ZNF385D: variants seen among roughly 807,000 people sequenced by gnomAD.
ZNF385D encodes the protein zinc finger protein 385D, also known as zinc finger protein 659.
ZNF385D carries 15 observed loss-of-function variants against 35.8 expected under a neutral mutation model. The observed-to-expected ratio is 0.42, with a 90% CI of 0.28 to 0.64. ZNF385D has a LOEUF of 0.64. Among genes scored for constraint, ZNF385D ranks in the 30% least tolerant of loss-of-function variants. The pLI, the probability that ZNF385D is intolerant of heterozygous loss-of-function variation, is 0.23. For missense variants in ZNF385D, 474 were observed against 494.6 expected, an observed-to-expected ratio of 0.96 and a Z score of 0.39; for synonymous variants, 212 against 186.8, an observed-to-expected ratio of 1.13 and a Z score of -1.10.
At position 21,707,502 on chromosome 3, in the gene ZNF385D, T is replaced by C. The variant is rs185494563; in HGVS notation, c.23-42474A>G. On this transcript the variant is annotated intron_variant, in intron 1 of 7. Coordinates refer to ENST00000281523, the MANE Select transcript of ZNF385D (RefSeq NM_024697.3). ...CATCCTGATATCTCCTTTAATGACA[T>C]TGTGAGTGCTTCTTTGTTAGAATCT... is the stretch of plus-strand genomic sequence containing the variant. Among the ~76,000 whole-genome samples, 656 of 152,306 alleles carry C rather than the reference T, an allele frequency of 4.3e-3. 1 individual carries two copies. The highest frequency in any genetic ancestry group is 7.8e-3 in the Non-Finnish European group (532 of 68,022).
At chr3:21,947,714 TAATC>T (rs1701863085) in intron 3 of ZNF385D, among the ~76,000 whole-genome samples, 1 of 152,178 alleles carries the variant, frequency 6.6e-6, no homozygotes, top group Admixed American at 6.5e-5. Flanking sequence ...CTATATGTAT[TAATC>T]CATCTATCTT....
intron 2 of ZNF385D, among the ~76,000 whole-genome samples, chr3:21,569,601 CATT>C (rs2063263268): frequency 2.0e-5 from 3 of 150,394 alleles, no homozygotes; most frequent in Non-Finnish European, 4.4e-5. Flanking sequence ...TTGATCCTGT[CATT>C]ATGATGTTAG....
At chr3:22,317,052 C>T (rs766999711) in intron 2 of ZNF385D, among the ~76,000 whole-genome samples, 6 of 151,718 alleles carry the variant, frequency 4.0e-5, no homozygotes, top group African/African-American at 9.7e-5. Flanking sequence ...CCGAGGTGGG[C>T]GGATTACCTG....
intron 1 of ZNF385D, among the ~76,000 whole-genome samples, chr3:21,682,518 T>C (rs569631977): frequency 6.6e-6 from 1 of 150,378 alleles, no homozygotes; most frequent in Non-Finnish European, 1.5e-5. Context: ...GAAAGGATAG[T>C]TGCAGTCATG....
chr3:22,129,080 G>C (rs1258078755), intron 3 of ZNF385D, among the ~76,000 whole-genome samples: 11 of 152,202 alleles, frequency 7.2e-5, no homozygotes, highest in Non-Finnish European at 1.2e-4. Context: ...GACTCTTGCA[G>C]ACTTGTATAT....
At chr3:22,091,556 G>A (rs1375903170) in intron 3 of ZNF385D, among the ~76,000 whole-genome samples, 1 of 151,538 alleles carries the variant, frequency 6.6e-6, no homozygotes, top group Non-Finnish European at 1.5e-5. Flanking sequence ...TACATGAGTA[G>A]CCTGCCAGAG....
intron 1 of ZNF385D, among the ~76,000 whole-genome samples, chr3:21,714,722 A>G (rs532971874): frequency 1.3e-5 from 2 of 152,324 alleles, no homozygotes; most frequent in South Asian, 4.1e-4. Context: ...ATCTCCAGCT[A>G]ACACTTCATT....
intron 3 of ZNF385D, among the ~76,000 whole-genome samples, chr3:22,130,070 A>T (rs1007645210): frequency 3.9e-5 from 6 of 152,104 alleles, no homozygotes; most frequent in African/African-American, 1.4e-4. Context: ...TCTTCAGGCC[A>T]TTGGAATCCT....
At chr3:22,301,971 C>G (rs1702925982) in intron 2 of ZNF385D, among the ~76,000 whole-genome samples, 1 of 151,938 alleles carries the variant, frequency 6.6e-6, no homozygotes, top group Non-Finnish European at 1.5e-5. Context: ...GTGTGTATAT[C>G]CTTTTTAATC....
rs184854041 is a variant in ZNF385D at position 22,314,679 on chromosome 3, C to A, written c.106+57771G>T. Among the ~76,000 whole-genome samples the A allele has an allele frequency of 9.1e-3, 1,378 of 152,202 alleles. 16 individuals are homozygous for A. Among genetic ancestry groups the A allele is most frequent in the African/African-American group, 0.031 (1,285 of 41,548 alleles). The stretch of plus-strand genomic sequence containing the variant: ...TAAGATTTTCTTTACCCTTCAAGAA[C>A]AAATTTCTACTTTCTTGGGAGTGAT... On this transcript the variant is annotated intron_variant, in intron 2 of 5. Transcript: ENST00000494108.
At chr3:22,005,054 AGC>A (rs1260848950) in intron 3 of ZNF385D, among the ~76,000 whole-genome samples, 14 of 88,312 alleles carry the variant, frequency 1.6e-4, no homozygotes, top group Non-Finnish European at 2.7e-4. Context: ...ACCACTCAGC[AGC>A]AAAAAAAAAA....
At chr3:21,854,786 AGATT>A (rs1316146355) in intron 3 of ZNF385D, among the ~76,000 whole-genome samples, 1 of 151,988 alleles carries the variant, frequency 6.6e-6, no homozygotes, top group African/African-American at 2.4e-5. Flanking sequence ...GTTGACTGAT[AGATT>A]AACTGACCTA....
At chr3:21,500,265 T>C (rs1170727803) in intron 4 of ZNF385D, among the ~76,000 whole-genome samples, 2 of 152,208 alleles carry the variant, frequency 1.3e-5, no homozygotes, top group East Asian at 3.8e-4. Context: ...TGTTAGTTTT[T>C]ACTATTAAAA....
chr3:21,845,843 T>C (rs1695972443), intron 3 of ZNF385D, among the ~76,000 whole-genome samples: 2 of 152,078 alleles, frequency 1.3e-5, no homozygotes, highest in South Asian at 4.1e-4. Context: ...CAATGTCAGA[T>C]TAAGAAAATA....
rs143268466 is a variant in ZNF385D, at chr3:21,571,391, G to A, written c.166-6707C>T. On this transcript the variant is annotated intron_variant, in intron 2 of 7. Transcript: ENST00000281523. ...GTTGCTTTCCATGTTAATCTATTAG[G>A]AATAAGCTATTAAAAACAATTCTAG... Among the ~76,000 whole-genome samples the A allele has an allele frequency of 3.1e-4, 47 of 152,122 alleles. No individual in the cohort carries two copies. The Middle Eastern group carries it at 0.02, about 66-fold the overall frequency.
At chr3:22,190,755 C>T (rs1033714921) in intron 2 of ZNF385D, among the ~76,000 whole-genome samples, 3 of 152,088 alleles carry the variant, frequency 2.0e-5, no homozygotes, top group Non-Finnish European at 2.9e-5. Flanking sequence ...ACAGGAAATA[C>T]TAAGTTCTGT....
chr3:22,281,340 T>G (rs899109183), intron 2 of ZNF385D, among the ~76,000 whole-genome samples: 1 of 152,130 alleles, frequency 6.6e-6, no homozygotes, highest in Non-Finnish European at 1.5e-5. Flanking sequence ...GCTCTCAACT[T>G]TTCCCCACTC....
At chr3:22,100,254 C>G (rs1477558433) in intron 3 of ZNF385D, among the ~76,000 whole-genome samples, 1 of 143,968 alleles carries the variant, frequency 6.9e-6, no homozygotes. Context: ...ACTAGTTCAA[C>G]CATTGTGGAA....
intron 2 of ZNF385D, among the ~76,000 whole-genome samples, chr3:22,335,014 C>G (rs949845514): frequency 2.0e-5 from 3 of 152,074 alleles, no homozygotes; most frequent in Admixed American, 1.3e-4. Flanking sequence ...AAGTAGCATT[C>G]TATGAGCCAA....
Sources: gnomAD v4.1 joint callset for allele counts (sites outside exome capture counted in the v4.1 genomes callset) on GRCh38, gnomAD v4.1.1 for gene constraint, MANE v1.5 for transcripts, NCBI Gene and HGNC (gene_info 2026-07-23, HGNC 2026-07-21) for gene names.